OSTN: variants seen among roughly 807,000 people sequenced by gnomAD.
OSTN encodes osteocrin.
In OSTN, 9 loss-of-function variants were observed where a neutral mutation model predicts 12.0. The ratio of observed to expected loss-of-function variants is 0.75; its 90% confidence interval spans 0.45 to 1.30. The LOEUF is 1.30. OSTN is among the 50% of genes most tolerant of loss of function. The pLI, the probability that OSTN is intolerant of heterozygous loss-of-function variation, is 0.00. For missense variants in OSTN, 148 were observed against 152.3 expected, an observed-to-expected ratio of 0.97 and a Z score of 0.15; for synonymous variants, 59 against 56.9, an observed-to-expected ratio of 1.04 and a Z score of -0.16.
chr3:191,249,769 C>G (rs1011691151), intron 3 of OSTN, among the ~76,000 whole-genome samples: 3 of 152,154 alleles, frequency 2.0e-5, no homozygotes, highest in Non-Finnish European at 2.9e-5. Flanking sequence ...TAAGACCTGG[C>G]TTTTGGTTTG....
chr3:191,219,154 G>T (rs566997777), intron 3 of OSTN, among the ~76,000 whole-genome samples, 193 bp downstream of exon 3: 1 of 152,140 alleles, frequency 6.6e-6, no homozygotes, highest in African/African-American at 2.4e-5. Flanking sequence ...AATGACTGCC[G>T]CAGTGTGCCT....
At chr3:191,262,780 A>C in intron 4 of OSTN, 86 bp from the exon 5 acceptor site, 5 of 685,700 alleles carry the variant, frequency 7.3e-6, no homozygotes. Context: ...TTAAAGACTT[A>C]ACTCTTCTCA....
At chr3:191,258,659 T>TA (rs71635349) in intron 4 of OSTN, among the ~76,000 whole-genome samples, 33,500 of 141,950 alleles carry the variant, frequency 0.24, 4,612 homozygotes, top group Middle Eastern at 0.39. Context: ...AAAGTATAAT[T>TA]AAAAAAAAAA....
At chr3:191,208,157 A>G (rs1560112800) in intron 1 of OSTN, among the ~76,000 whole-genome samples, 1 of 152,230 alleles carries the variant, frequency 6.6e-6, no homozygotes, top group Non-Finnish European at 1.5e-5. Flanking sequence ...AAAAAAATGC[A>G]AACACCTTTA....
intron 3 of OSTN, among the ~76,000 whole-genome samples, chr3:191,241,538 A>G (rs375782025): frequency 6.6e-5 from 10 of 152,120 alleles, no homozygotes; most frequent in East Asian, 3.9e-4. Flanking sequence ...TTTAAGTTGT[A>G]GTAGTGAAAT....
chr3:191,201,210 G>C (rs569949158), intron 1 of OSTN, among the ~76,000 whole-genome samples: 43 of 152,036 alleles, frequency 2.8e-4, no homozygotes, highest in African/African-American at 1.0e-3. Flanking sequence ...CATCAGCTCA[G>C]ACCTTAATAC....
chr3:191,204,610 C>T (rs9837890), intron 1 of OSTN, among the ~76,000 whole-genome samples: 3 of 152,052 alleles, frequency 2.0e-5, no homozygotes, highest in South Asian at 2.1e-4. Context: ...AAAAAGAGAC[C>T]GCAATGGCTG....
At chr3:191,209,017 G>C (rs573055391) in intron 1 of OSTN, among the ~76,000 whole-genome samples, 3 of 152,190 alleles carry the variant, frequency 2.0e-5, no homozygotes, top group South Asian at 4.1e-4. Context: ...AAATTAGCTG[G>C]GTGTGGTGGT....
chr3:191,222,402 C>A (rs1714789490), intron 3 of OSTN, among the ~76,000 whole-genome samples: 1 of 152,226 alleles, frequency 6.6e-6, no homozygotes, highest in South Asian at 2.1e-4. Context: ...TAAGAATTTA[C>A]TGCCCCACTG....
At chr3:191,242,774 CATA>C (rs1304012637) in intron 3 of OSTN, among the ~76,000 whole-genome samples, 1 of 151,996 alleles carries the variant, frequency 6.6e-6, no homozygotes, top group Admixed American at 6.6e-5. Context: ...AGAATATCTT[CATA>C]ATATTAGGGT....
chr3:191,262,655 A>G (rs565067893), intron 4 of OSTN, among the ~76,000 whole-genome samples: 3 of 152,222 alleles, frequency 2.0e-5, no homozygotes, highest in Non-Finnish European at 2.9e-5. Context: ...CACCTAGCTT[A>G]TATGTTTAAA....
intron 4 of OSTN, among the ~76,000 whole-genome samples, chr3:191,262,108 C>T (rs183392847): frequency 1.3e-5 from 2 of 152,296 alleles, no homozygotes; most frequent in African/African-American, 4.8e-5. Context: ...ATCCCAGCTA[C>T]TCGGGAGACT....
At chr3:191,240,365 T>C (rs1460613008) in intron 3 of OSTN, among the ~76,000 whole-genome samples, 2 of 152,210 alleles carry the variant, frequency 1.3e-5, no homozygotes, top group African/African-American at 4.8e-5. Flanking sequence ...TAACCAAGAT[T>C]GCAGGATTCA....
intron 3 of OSTN, chr3:191,228,709 A>G (rs1483939649): frequency 2.0e-5 from 3 of 152,154 alleles, no homozygotes; most frequent in African/African-American, 7.2e-5. Flanking sequence ...AGGACATTAA[A>G]CCTACCTTTC....
At chr3:191,227,560 C>G (rs1714943737) in intron 3 of OSTN, among the ~76,000 whole-genome samples, 1 of 152,076 alleles carries the variant, frequency 6.6e-6, no homozygotes, top group African/African-American at 2.4e-5. Context: ...ATTTTAGAAC[C>G]ATTTTTATAA....
rs75891479 is a variant in OSTN at position 191,257,657 on chromosome 3, A to G, written c.*13-5209A>G. On this transcript the variant is annotated intron_variant, in intron 4 of 4. Transcript: ENST00000682035. ...AATTAATCAAGTATCAAAAATATCAAGCAACAATTTTTTGGCCATAAACCT... is the reference window on the plus strand; with the variant it reads ...AATTAATCAAGTATCAAAAATATCAGGCAACAATTTTTTGGCCATAAACCT... 0.018 allele frequency among the ~76,000 whole-genome samples: 2,773 copies of G among 152,332 alleles called. 189 individuals carry two copies. In the East Asian group the frequency reaches 0.23, roughly 13 times the overall value.
intron 4 of OSTN, among the ~76,000 whole-genome samples, chr3:191,255,757 T>C (rs1450079455): frequency 2.0e-5 from 3 of 151,860 alleles, no homozygotes; most frequent in Non-Finnish European, 4.4e-5. Flanking sequence ...TAATCAGCAA[T>C]GTTCAAACAA....
chr3:191,247,179 A>G (rs1329656144), intron 3 of OSTN, among the ~76,000 whole-genome samples: 1 of 152,224 alleles, frequency 6.6e-6, no homozygotes, highest in African/African-American at 2.4e-5. Context: ...TTTTCTTTCA[A>G]TAGTCATTAT....
chr3:191,242,583 C>T (rs569235868), intron 3 of OSTN, among the ~76,000 whole-genome samples: 42 of 152,078 alleles, frequency 2.8e-4, no homozygotes, highest in South Asian at 1.2e-3. Flanking sequence ...TGTTTTGTGA[C>T]GGGGTCTCTT....
Sources: gnomAD v4.1 joint callset for allele counts (sites outside exome capture counted in the v4.1 genomes callset) on GRCh38, gnomAD v4.1.1 for gene constraint, MANE v1.5 for transcripts, NCBI Gene and HGNC (gene_info 2026-07-23, HGNC 2026-07-21) for gene names.